XRN2: variants seen among roughly 807,000 people sequenced by gnomAD.
XRN2 encodes 5'-3' exoribonuclease 2, also known as DHM1-like protein.
A neutral mutation model predicts 138.5 loss-of-function variants in XRN2; 44 were observed. That is an observed-to-expected ratio of 0.32 (90% CI 0.25 to 0.41). XRN2 has a LOEUF of 0.41. XRN2 is among the 10% of genes least tolerant of loss of function. The probability of loss-of-function intolerance (pLI) is 1.00; values close to 1 mark genes in which losing one functional copy is unlikely to be tolerated. For missense variants in XRN2, 937 were observed against 1,169.3 expected, an observed-to-expected ratio of 0.80 and a Z score of 2.90; for synonymous variants, 354 against 369.4, an observed-to-expected ratio of 0.96 and a Z score of 0.48.
chr20:21,331,890 T>C lies in XRN2; in HGVS notation c.700+72T>C, dbSNP rs962446710. The C allele has an allele frequency of 1.0e-5, 16 of 1,528,416 alleles. No individual in the cohort carries two copies. The Admixed American group carries it at 2.3e-4, about 22-fold the overall frequency. The allele number at this position is 1,528,416 out of a possible 1,614,324, so 94.7% of individuals were successfully genotyped here. On this transcript the variant is annotated intron_variant, in intron 8 of 29. Coordinates refer to ENST00000377191, the MANE Select transcript of XRN2 (RefSeq NM_012255.5). The stretch of plus-strand genomic sequence containing the variant: ...AAGTTGATGGGTTGGTGTGCAGTAA[T>C]GGATTATTCATGGTTACCTGGAAGT...
intron 2 of XRN2, 30 bp from the exon 3 acceptor site, chr20:21,326,460 T>C: frequency 6.2e-7 from 1 of 1,613,704 alleles, no homozygotes. Flanking sequence ...AAACATTATA[T>C]TATATTACAT....
chr20:21,388,284 C>A (rs953985473), intron 29 of XRN2, among the ~76,000 whole-genome samples: 1 of 152,178 alleles, frequency 6.6e-6, no homozygotes, highest in African/African-American at 2.4e-5. Flanking sequence ...TGGAGATCTT[C>A]CTTTTAAAGG....
At chr20:21,389,234 C>G (rs149334435) in intron 29 of XRN2, 39 bp from the exon 30 acceptor site, 17 of 1,566,854 alleles carry the variant, frequency 1.1e-5, no homozygotes, top group East Asian at 6.8e-5. Context: ...GCAGGAGTAT[C>G]GGTCCAGAAA....
chr20:21,356,524 A>G (rs2038577739), intron 22 of XRN2, 62 bp from the exon 23 acceptor site: 2 of 1,483,464 alleles, frequency 1.3e-6, no homozygotes, highest in South Asian at 2.4e-5. Flanking sequence ...ACACTCAAGA[A>G]TCTGCTTGAG....
At chr20:21,387,047 A>G in intron 29 of XRN2, 41 bp downstream of exon 29, 1 of 1,572,494 alleles carries the variant, frequency 6.4e-7, no homozygotes, top group East Asian at 2.3e-5. Flanking sequence ...CTCACTTTAT[A>G]TTTCAACAAG....
chr20:21,346,686 C>T (rs2038440453), intron 17 of XRN2, 136 bp downstream of exon 17: 1 of 1,043,474 alleles, frequency 9.6e-7, no homozygotes. Context: ...ATGGCGTGAT[C>T]TCAACTCACT....
intron 1 of XRN2, among the ~76,000 whole-genome samples, chr20:21,323,150 AC>A (rs1296380644): frequency 6.6e-6 from 1 of 152,136 alleles, no homozygotes; most frequent in African/African-American, 2.4e-5. Context: ...GTGTTAGCCC[AC>A]CTTTGGCAGC....
intron 28 of XRN2, among the ~76,000 whole-genome samples, chr20:21,386,283 G>A (rs904884600): frequency 2.0e-5 from 3 of 152,206 alleles, no homozygotes; most frequent in East Asian, 3.8e-4. Context: ...CTAGGTCACC[G>A]TGGTCAATTG....
intron 1 of XRN2, among the ~76,000 whole-genome samples, chr20:21,322,976 C>G (rs1213076713): frequency 2.0e-5 from 3 of 152,186 alleles, no homozygotes; most frequent in Non-Finnish European, 4.4e-5. Flanking sequence ...CCTTCACATT[C>G]TCTGGGAGCT....
At chr20:21,352,401 C>T (rs1179197374) in intron 20 of XRN2, among the ~76,000 whole-genome samples, 1 of 151,962 alleles carries the variant, frequency 6.6e-6, no homozygotes, top group Non-Finnish European at 1.5e-5. Context: ...GATCTCGGCT[C>T]ACTGTAACCT....
At chr20:21,359,450 C>T (rs1048587514) in intron 24 of XRN2, among the ~76,000 whole-genome samples, 2 of 151,398 alleles carry the variant, frequency 1.3e-5, no homozygotes, top group Admixed American at 6.6e-5. Flanking sequence ...GTGAGAGAAC[C>T]GCTTGAACCC....
At position 21,368,450 on chromosome 20, in the gene XRN2, G is replaced by T. The variant is rs567378165; in HGVS notation, c.2457-13G>T. ...TATACAATTTTTTTTTCTTGTGTTG[G>T]GTCCTTTTATAGCCATGTGATGCCA... On this transcript the variant is annotated splice_polypyrimidine_tract_variant and intron_variant, in intron 26 of 29. Transcript: ENST00000377191. 4.3e-6 allele frequency: 7 copies of T among 1,611,230 alleles called. No individual in the cohort carries two copies. The highest frequency in any genetic ancestry group is 1.6e-4 in the Middle Eastern group (1 of 6,072).
chr20:21,318,301 C>G (rs2037988465), intron 1 of XRN2, among the ~76,000 whole-genome samples: 1 of 152,008 alleles, frequency 6.6e-6, no homozygotes, highest in Non-Finnish European at 1.5e-5. Flanking sequence ...TAACTTGAGT[C>G]TTCCCTCTTT....
At chr20:21,343,460 T>C (rs2038397750) in intron 15 of XRN2, among the ~76,000 whole-genome samples, 1 of 151,976 alleles carries the variant, frequency 6.6e-6, no homozygotes, top group South Asian at 2.1e-4. Flanking sequence ...TATTTGTTGA[T>C]TGATTTTTAA....
intron 24 of XRN2, among the ~76,000 whole-genome samples, chr20:21,363,308 T>C (rs2038658696): frequency 6.6e-6 from 1 of 152,082 alleles, no homozygotes; most frequent in Non-Finnish European, 1.5e-5. Flanking sequence ...GTGCATGCGA[T>C]AGGTATTCTA....
chr20:21,317,924 G>A (rs1035561537), intron 1 of XRN2, among the ~76,000 whole-genome samples: 4 of 152,136 alleles, frequency 2.6e-5, no homozygotes, highest in African/African-American at 9.7e-5. Context: ...ATGTTTTTGT[G>A]TGGTCTTGGT....
At chr20:21,331,435 A>C (rs1342752506) in intron 6 of XRN2, 126 bp from the exon 7 acceptor site, 3 of 717,982 alleles carry the variant, frequency 4.2e-6, no homozygotes, top group Admixed American at 2.4e-5. Context: ...ACACACACAC[A>C]CACCCTTATT....
chr20:21,310,603 A>G (rs2037866627), intron 1 of XRN2, among the ~76,000 whole-genome samples: 1 of 152,180 alleles, frequency 6.6e-6, no homozygotes, highest in African/African-American at 2.4e-5. Flanking sequence ...TGTCATTAAT[A>G]CAGCCAGTTA....
intron 1 of XRN2, among the ~76,000 whole-genome samples, chr20:21,304,909 A>G (rs2037794275): frequency 6.6e-6 from 1 of 152,190 alleles, no homozygotes; most frequent in Non-Finnish European, 1.5e-5. Flanking sequence ...GACTATACAG[A>G]TTTAAAATGC....
Sources: gnomAD v4.1 joint callset for allele counts (sites outside exome capture counted in the v4.1 genomes callset) on GRCh38, gnomAD v4.1.1 for gene constraint, MANE v1.5 for transcripts, NCBI Gene and HGNC (gene_info 2026-07-23, HGNC 2026-07-21) for gene names.